Variants in PLCE1 observed in about 807,000 individuals in gnomAD.
PLCE1 encodes 1-phosphatidylinositol 4,5-bisphosphate phosphodiesterase epsilon-1.
PLCE1 carries 119 observed loss-of-function variants against 242.8 expected under a neutral mutation model. That is an observed-to-expected ratio of 0.49 (90% CI 0.42 to 0.57). PLCE1 has a LOEUF of 0.57. Among genes scored for constraint, PLCE1 ranks in the 20% least tolerant of loss-of-function variants. The pLI, the probability that PLCE1 is intolerant of heterozygous loss-of-function variation, is 0.00. For missense variants in PLCE1, 2,441 were observed against 2,788.8 expected (o/e 0.88, Z 2.81); for synonymous variants, 945 against 1,017.4 (o/e 0.93, Z 1.35).
Position 94,236,075 on chromosome 10 carries a change from G to A in PLCE1, c.2375G>A (p.Gly792Glu). The part of the protein sequence containing the change: ...ETDEEDSPSE[G>E]NSSRKSSLKD... ...GACGAGGAGGACAGCCCCAGTGAAG[G>A]AAACAGCTCCAGGAAAAGCTCCTTG... is the stretch of plus-strand genomic sequence containing the variant. Residue 792 changes from glycine to glutamate, a missense_variant, in exon 7 of 33, where the codon GGA becomes GAA. By Grantham distance (98) the Gly-to-Glu change is moderately conservative. Transcript: ENST00000371380. 1 of 1,614,014 alleles carries A rather than the reference G, an allele frequency of 6.2e-7. No individual in the cohort carries two copies. Among genetic ancestry groups the A allele is most frequent in the Non-Finnish European group, 8.5e-7 (1 of 1,179,974 alleles).
chr10:94,279,589 AG>A, intron 19 of PLCE1, 192 bp from the exon 20 acceptor site: 1 of 627,222 alleles, frequency 1.6e-6, no homozygotes, highest in Non-Finnish European at 2.8e-6. Context: ...TTCTTCCTGT[AG>A]GAATGCTAAC....
At chr10:94,141,341 G>T (rs1221231456) in intron 3 of PLCE1, among the ~76,000 whole-genome samples, 2 of 152,222 alleles carry the variant, frequency 1.3e-5, no homozygotes, top group African/African-American at 4.8e-5. Flanking sequence ...TGAGCTGGGA[G>T]ACTGATTCCA....
chr10:94,262,867 T>G (rs1416726739), intron 14 of PLCE1, 135 bp downstream of exon 14: 18 of 765,766 alleles, frequency 2.4e-5, no homozygotes, highest in Admixed American at 7.8e-5. Context: ...TTTTGTTTTT[T>G]TTTTTGTTTT....
At chr10:94,016,346 T>C (rs1230045059) in intron 1 of PLCE1, among the ~76,000 whole-genome samples, 3 of 152,112 alleles carry the variant, frequency 2.0e-5, no homozygotes, top group Non-Finnish European at 4.4e-5. Context: ...AATATTTGCA[T>C]TATACATAAT....
At chr10:94,033,375 G>T (rs778647146) in intron 2 of PLCE1, among the ~76,000 whole-genome samples, 77 of 151,984 alleles carry the variant, frequency 5.1e-4, no homozygotes, top group Admixed American at 4.3e-3. Context: ...AAACCCTTCA[G>T]ACCAAACCAG....
chr10:94,190,054 G>A (rs2048608771), intron 4 of PLCE1, among the ~76,000 whole-genome samples: 1 of 152,168 alleles, frequency 6.6e-6, no homozygotes, highest in Non-Finnish European at 1.5e-5. Context: ...TAATCCCAAT[G>A]GGTGGACTGC....
At chr10:94,281,130 T>A (rs1228440284) in intron 20 of PLCE1, among the ~76,000 whole-genome samples, 1 of 152,206 alleles carries the variant, frequency 6.6e-6, no homozygotes, top group Non-Finnish European at 1.5e-5. Flanking sequence ...TTATATTAAC[T>A]TATTCTTCCC....
At position 94,329,097 on chromosome 10, in the gene PLCE1, GAA is replaced by G. The variant is rs796596647; in HGVS notation, c.*1157_*1158del. ...GTACTTGAAGACAAACTTCTAAAAA[GAA>G]AATATATGCTCTGAACATCTGAAAT... On this transcript the variant is annotated 3_prime_UTR_variant, in exon 33 of 33. Coordinates refer to ENST00000371380, the MANE Select transcript of PLCE1 (RefSeq NM_016341.4). 7.2e-5 allele frequency: 11 copies of G among 152,256 alleles called. No homozygotes were observed. Among genetic ancestry groups the G allele is most frequent in the African/African-American group, 2.4e-4 (10 of 41,552 alleles). 9.4% of individuals were successfully genotyped at this position (152,256 alleles called of 1,614,324 possible).
chr10:94,014,955 A>T (rs1198723668), intron 1 of PLCE1, among the ~76,000 whole-genome samples: 1 of 152,234 alleles, frequency 6.6e-6, no homozygotes, highest in Non-Finnish European at 1.5e-5. Context: ...AGACAAAGTG[A>T]GGAAGACTAT....
At chr10:94,313,148 T>C in intron 27 of PLCE1, 106 bp from the exon 28 acceptor site, 1 of 1,345,814 alleles carries the variant, frequency 7.4e-7, no homozygotes, top group Admixed American at 1.7e-5. Context: ...TCTTTTGCAT[T>C]TACATGTTCC....
intron 3 of PLCE1, among the ~76,000 whole-genome samples, chr10:94,133,712 T>C (rs949500444): frequency 1.3e-5 from 2 of 152,222 alleles, no homozygotes; most frequent in Non-Finnish European, 2.9e-5. Flanking sequence ...CTTCAGGGGA[T>C]TGGTTATAAA....
intron 2 of PLCE1, among the ~76,000 whole-genome samples, chr10:94,058,697 C>T (rs1449012679): frequency 6.6e-6 from 1 of 152,096 alleles, no homozygotes; most frequent in Non-Finnish European, 1.5e-5. Context: ...AATCACCTAA[C>T]CTGTCTAGGA....
At chr10:94,312,752 T>A (rs1176035987) in intron 27 of PLCE1, among the ~76,000 whole-genome samples, 1 of 152,240 alleles carries the variant, frequency 6.6e-6, no homozygotes, top group Non-Finnish European at 1.5e-5. Flanking sequence ...CCATAAATTA[T>A]TTATTTCAAA....
intron 7 of PLCE1, among the ~76,000 whole-genome samples, chr10:94,239,899 G>A (rs1269598741): frequency 6.6e-6 from 1 of 152,120 alleles, no homozygotes; most frequent in Non-Finnish European, 1.5e-5. Context: ...ATGCAGACAG[G>A]CCTCAACCTT....
chr10:94,076,170 C>T (rs967251593), intron 2 of PLCE1, among the ~76,000 whole-genome samples: 6 of 151,830 alleles, frequency 4.0e-5, no homozygotes, highest in Non-Finnish European at 7.4e-5. Flanking sequence ...CCATGCTAAG[C>T]TGCTTCTGCG....
intron 2 of PLCE1, among the ~76,000 whole-genome samples, chr10:94,131,905 G>A (rs2046609273): frequency 2.0e-5 from 3 of 152,182 alleles, no homozygotes; most frequent in African/African-American, 7.2e-5. Flanking sequence ...AATTTGAGCT[G>A]AATGTATTTC....
intron 3 of PLCE1, among the ~76,000 whole-genome samples, chr10:94,157,989 G>A (rs923500204): frequency 6.6e-6 from 1 of 152,184 alleles, no homozygotes; most frequent in African/African-American, 2.4e-5. Flanking sequence ...GAGTGGTTGT[G>A]AGGATTGAGT....
At chr10:94,291,761 T>G (rs2052653672) in intron 22 of PLCE1, among the ~76,000 whole-genome samples, 1 of 152,126 alleles carries the variant, frequency 6.6e-6, no homozygotes, top group Admixed American at 6.5e-5. Context: ...AAATTAGTGG[T>G]GCACACCTGT....
At chr10:94,269,363 C>A (rs2133111019) in intron 17 of PLCE1, among the ~76,000 whole-genome samples, 1 of 152,122 alleles carries the variant, frequency 6.6e-6, no homozygotes, top group Non-Finnish European at 1.5e-5. Context: ...CTCAGCCTCC[C>A]AAAGTACCGG....
Sources: allele counts gnomAD v4.1 joint callset (sites outside exome capture counted in the v4.1 genomes callset), GRCh38; gene constraint gnomAD v4.1.1; transcripts MANE v1.5; gene names NCBI Gene and HGNC (gene_info 2026-07-23, HGNC 2026-07-21).